Variants in TPBGL observed in about 807,000 individuals in gnomAD.
The protein encoded by TPBGL is trophoblast glycoprotein like, also known as trophoblast glycoprotein-like.
For missense variants in TPBGL, 685 were observed against 609.4 expected (o/e 1.12, Z -1.31); for synonymous variants, 380 against 314.8 (o/e 1.21, Z -2.19).
chr11:75,243,019 A>AC lies in TPBGL; in HGVS notation c.*831dup, dbSNP rs34103907. 0.036 allele frequency: 4,798 copies of AC among 134,276 alleles called. 97 individuals carry two copies. The highest frequency in any genetic ancestry group is 0.067 in the East Asian group (287 of 4,306). The allele number at this position is 134,276 out of a possible 1,614,324, so 8.3% of individuals were successfully genotyped here. A position where few individuals can be genotyped will look rare whatever the true frequency, so the allele number is the denominator to read the frequency against. Reference sequence around the variant, plus strand: ...CTCCTGCCCAAGCCTTTGGCTCTTGACCCCCCCCCCATACCCAATGCTGGC... The same window carrying AC: ...CTCCTGCCCAAGCCTTTGGCTCTTGACCCCCCCCCCCATACCCAATGCTGGC... On this transcript the variant is annotated 3_prime_UTR_variant, in exon 1 of 1. Coordinates refer to ENST00000562197, the MANE Select transcript of TPBGL (RefSeq NM_001195528.2).
At position 75,242,025 on chromosome 11, in the gene TPBGL, C is replaced by T; in HGVS notation, c.976C>T (p.Leu326Phe). 1 of 1,471,842 alleles carries T rather than the reference C, an allele frequency of 6.8e-7. No homozygotes were observed. The highest frequency in any genetic ancestry group is 9.0e-7 in the Non-Finnish European group (1 of 1,112,550). 91.2% of individuals were successfully genotyped at this position (1,471,842 alleles called of 1,614,324 possible). The stretch of plus-strand genomic sequence containing the variant: ...CATCGGCCTCATCTTCCTCATGGTG[C>T]TCTACCTAAACCGCCGCGGCATCCA... ...ALIGLIFLMV[L>F]YLNRRGIQRW... The change falls in exon 1 of 1, where the codon CTC (leucine) becomes TTC (phenylalanine). Residue 326 changes from leucine to phenylalanine, a missense_variant. Leu to Phe is a conservative substitution (Grantham distance 22, BLOSUM62 0). Coordinates refer to ENST00000562197, the MANE Select transcript of TPBGL (RefSeq NM_001195528.2).
In TPBGL at chr11:75,241,483, G is replaced by C; in HGVS notation, c.434G>C (p.Arg145Pro). The C allele has an allele frequency of 8.1e-7, 1 of 1,237,678 alleles. No individual in the cohort carries two copies. The highest frequency in any genetic ancestry group is 3.2e-4 in the Middle Eastern group (1 of 3,098). 76.7% of individuals were successfully genotyped at this position (1,237,678 alleles called of 1,614,324 possible). Residue 145 changes from arginine (R) to proline (P), a missense_variant, in exon 1 of 1, where the codon CGC (arginine) becomes CCC (proline). Arg to Pro is a moderately radical substitution (Grantham distance 103). Transcript: ENST00000562197. ...GCCTTCCGCGGGCTGCCCGCGCTGCGCTCGCTGCAGCTCAACCACGCGCTG... is the reference window on the plus strand; with the variant it reads ...GCCTTCCGCGGGCTGCCCGCGCTGCCCTCGCTGCAGCTCAACCACGCGCTG... ...GGAFRGLPAL[R>P]SLQLNHALVR...
rs1004243224 is a variant in TPBGL, at chr11:75,241,881, C to T, written c.832C>T (p.Leu278=). 31 of 1,454,010 alleles carry T rather than the reference C, an allele frequency of 2.1e-5. No individual in the cohort carries two copies. The highest frequency in any genetic ancestry group is 4.4e-5 in the African/African-American group (3 of 67,714). 90.1% of individuals were successfully genotyped at this position (1,454,010 alleles called of 1,614,324 possible). A position where few individuals can be genotyped will look rare whatever the true frequency, so the allele number is the denominator to read the frequency against. ...RALLDRPLLD[L]DGARLRCADS... ...GCTGCTAGACCGGCCGCTACTGGAC[C>T]TGGACGGGGCGCGGCTTCGCTGCGC... Residue 278 remains leucine (L), a synonymous_variant, in exon 1 of 1, where the codon CTG becomes TTG. Coordinates refer to ENST00000562197, the MANE Select transcript of TPBGL (RefSeq NM_001195528.2).
In TPBGL at chr11:75,242,146, C is replaced by T. The variant is rs1945606603; in HGVS notation, c.1097C>T (p.Ala366Val). 6 of 1,201,764 alleles carry T rather than the reference C, an allele frequency of 5.0e-6. No individual in the cohort carries two copies. Among genetic ancestry groups the T allele is most frequent in the African/African-American group, 1.6e-5 (1 of 62,290 alleles). The allele number at this position is 1,201,764 out of a possible 1,614,324, so 74.4% of individuals were successfully genotyped here. Reference protein sequence around the residue: ...EQDADPRRAPAPAAPAGSRAT... With the variant: ...EQDADPRRAPVPAAPAGSRAT... ...GACGCCGACCCGCGCCGCGCGCCCG[C>T]GCCCGCCGCGCCCGCGGGCTCCCGC... Residue 366 changes from alanine to valine, a missense_variant, in exon 1 of 1, where the codon GCG becomes GTG. By Grantham distance (64) the Ala-to-Val change is moderately conservative. Coordinates refer to ENST00000562197, the MANE Select transcript of TPBGL (RefSeq NM_001195528.2).
chr11:75,242,386 C>A lies in TPBGL; in HGVS notation c.*188C>A. 1 of 705,022 alleles carries A rather than the reference C, an allele frequency of 1.4e-6. No individual in the cohort carries two copies. The allele number at this position is 705,022 out of a possible 1,614,324, so 43.7% of individuals were successfully genotyped here. ...GCCGGTCCGAATCCAGAAACCCCGC[C>A]TGCCCACCCTAGTTTCCGAAACCTC... On this transcript the variant is annotated 3_prime_UTR_variant, in exon 1 of 1. Transcript: ENST00000562197.
Position 75,241,387 on chromosome 11 carries a change from C to A in TPBGL, c.338C>A (p.Ala113Asp). 1 of 1,372,214 alleles carries A rather than the reference C, an allele frequency of 7.3e-7. No individual in the cohort carries two copies. Among genetic ancestry groups the A allele is most frequent in the Non-Finnish European group, 9.4e-7 (1 of 1,063,366 alleles). 85.0% of individuals were successfully genotyped at this position (1,372,214 alleles called of 1,614,324 possible). A position where few individuals can be genotyped will look rare whatever the true frequency, so the allele number is the denominator to read the frequency against. Reference sequence around the variant, plus strand: ...CACATCGAGGTGGTGGAGGACGGCGCCTTCGACGGGCTGCCCAGCCTGGCG... The same window carrying A: ...CACATCGAGGTGGTGGAGGACGGCGACTTCGACGGGCTGCCCAGCCTGGCG... Reference protein sequence around the residue: ...HNHIEVVEDGAFDGLPSLAAL... With the variant: ...HNHIEVVEDGDFDGLPSLAAL... The change falls in exon 1 of 1, where the codon GCC (alanine) becomes GAC (aspartate). Residue 113 changes from alanine to aspartate, a missense_variant. Coordinates refer to ENST00000562197, the MANE Select transcript of TPBGL (RefSeq NM_001195528.2).
In TPBGL at chr11:75,242,082, CG is replaced by C; in HGVS notation, c.1036del (p.Asp346ThrfsTer64). 1 of 1,436,498 alleles carries C rather than the reference CG, an allele frequency of 7.0e-7. No individual in the cohort carries two copies. Among genetic ancestry groups the C allele is most frequent in the Non-Finnish European group, 9.2e-7 (1 of 1,091,222 alleles). 89.0% of individuals were successfully genotyped at this position (1,436,498 alleles called of 1,614,324 possible). A position where few individuals can be genotyped will look rare whatever the true frequency, so the allele number is the denominator to read the frequency against. ...GATGCGCAACCTGCGCGAGGCGTGC[CG>C]GGACCAGATGGAGGGCTACCACTAC... ...RWMRNLREAC[R>X]DQMEGYHYRY... On this transcript the variant is annotated frameshift_variant, in exon 1 of 1. Transcript: ENST00000562197. LOFTEE classifies it low-confidence loss of function (END_TRUNC).
chr11:75,241,894 G>T lies in TPBGL; in HGVS notation c.845G>T (p.Arg282Leu), dbSNP rs759701292. 46 of 1,469,694 alleles carry T rather than the reference G, an allele frequency of 3.1e-5. No homozygotes were observed. The highest frequency in any genetic ancestry group is 6.7e-5 in the Admixed American group (3 of 44,576). 91.0% of individuals were successfully genotyped at this position (1,469,694 alleles called of 1,614,324 possible). Residue 282 changes from arginine to leucine, a missense_variant, in exon 1 of 1, where the codon CGG becomes CTG. By Grantham distance (102) the Arg-to-Leu change is moderately radical. Coordinates refer to ENST00000562197, the MANE Select transcript of TPBGL (RefSeq NM_001195528.2). ...DRPLLDLDGA[R>L]LRCADSGADA... is the part of the protein sequence containing the mutation. ...CCGCTACTGGACCTGGACGGGGCGCGGCTTCGCTGCGCGGACAGCGGCGCC... is the reference window on the plus strand; with the variant it reads ...CCGCTACTGGACCTGGACGGGGCGCTGCTTCGCTGCGCGGACAGCGGCGCC...
chr11:75,242,014 T>G lies in TPBGL; in HGVS notation c.965T>G (p.Phe322Cys). The G allele has an allele frequency of 1.4e-6, 2 of 1,481,302 alleles. No homozygotes were observed. Among genetic ancestry groups the G allele is most frequent in the African/African-American group, 1.4e-5 (1 of 69,216 alleles). The allele number at this position is 1,481,302 out of a possible 1,614,324, so 91.8% of individuals were successfully genotyped here. Residue 322 changes from phenylalanine to cysteine, a missense_variant, in exon 1 of 1, where the codon TTC (phenylalanine) becomes TGC (cysteine). Phe to Cys is a radical substitution (Grantham distance 205, BLOSUM62 -2). Coordinates refer to ENST00000562197, the MANE Select transcript of TPBGL (RefSeq NM_001195528.2). ...GLVLALIGLIFLMVLYLNRRG... is the reference protein window; with the variant it reads ...GLVLALIGLICLMVLYLNRRG... ...GTGCTGGCACTCATCGGCCTCATCT[T>G]CCTCATGGTGCTCTACCTAAACCGC...
chr11:75,242,132 G>T lies in TPBGL; in HGVS notation c.1083G>T (p.Pro361=). The stretch of plus-strand genomic sequence containing the variant: ...ACCGCTACGAGCAGGACGCCGACCC[G>T]CGCCGCGCGCCCGCGCCCGCCGCGC... ...YHYRYEQDAD[P]RRAPAPAAPA... The change falls in exon 1 of 1, where the codon CCG becomes CCT. Residue 361 remains proline, a synonymous_variant. Transcript: ENST00000562197. 1.6e-6 allele frequency: 2 copies of T among 1,231,344 alleles called. No individual in the cohort carries two copies. The highest frequency in any genetic ancestry group is 2.0e-6 in the Non-Finnish European group (2 of 987,890). 76.3% of individuals were successfully genotyped at this position (1,231,344 alleles called of 1,614,324 possible).
chr11:75,242,166 T>C lies in TPBGL; in HGVS notation c.1117T>C (p.Ser373Pro), dbSNP rs2140371117. 8.4e-7 allele frequency: 1 copy of C among 1,184,150 alleles called. No individual in the cohort carries two copies. Among genetic ancestry groups the C allele is most frequent in the East Asian group, 3.8e-5 (1 of 26,160 alleles). 73.4% of individuals were successfully genotyped at this position (1,184,150 alleles called of 1,614,324 possible). The change falls in exon 1 of 1, where the codon TCC becomes CCC. Residue 373 changes from serine (S) to proline (P), a missense_variant. Coordinates refer to ENST00000562197, the MANE Select transcript of TPBGL (RefSeq NM_001195528.2). ...GCCCGCGCCCGCCGCGCCCGCGGGC[T>C]CCCGCGCCACCTCCCCGGGCTCGGG... ...RAPAPAAPAG[S>P]RATSPGSGL
rs1157952418 is a variant in TPBGL at position 75,240,871 on chromosome 11, T to C, written c.-179T>C. 5.5e-6 allele frequency: 2 copies of C among 362,368 alleles called. No homozygotes were observed. The highest frequency in any genetic ancestry group is 9.2e-6 in the Non-Finnish European group (2 of 216,260). The allele number at this position is 362,368 out of a possible 1,614,324, so 22.4% of individuals were successfully genotyped here. On this transcript the variant is annotated 5_prime_UTR_variant, in exon 1 of 1. Transcript: ENST00000562197. Reference sequence around the variant, plus strand: ...GGCTCCGCTCCCCGTCTGACCCCTCTTGCCCCCGGCCAGTCAGCCAGTAAG... The same window carrying C: ...GGCTCCGCTCCCCGTCTGACCCCTCCTGCCCCCGGCCAGTCAGCCAGTAAG...
At position 75,240,822 on chromosome 11, in the gene TPBGL, A is replaced by T; in HGVS notation, c.-228A>T. On this transcript the variant is annotated 5_prime_UTR_variant, in exon 1 of 1. Coordinates refer to ENST00000562197, the MANE Select transcript of TPBGL (RefSeq NM_001195528.2). Reference sequence around the variant, plus strand: ...CCGCGGAAGCCGGAGGCCGGCGCGCAGGGCGAGGGCACCGGGGGCGGGGGG... The same window carrying T: ...CCGCGGAAGCCGGAGGCCGGCGCGCTGGGCGAGGGCACCGGGGGCGGGGGG... 3.4e-6 allele frequency: 1 copy of T among 291,254 alleles called. No individual in the cohort carries two copies. Among genetic ancestry groups the T allele is most frequent in the Non-Finnish European group, 6.3e-6 (1 of 159,614 alleles). 18.0% of individuals were successfully genotyped at this position (291,254 alleles called of 1,614,324 possible). A position where few individuals can be genotyped will look rare whatever the true frequency, so the allele number is the denominator to read the frequency against.
Position 75,241,121 on chromosome 11 carries a change from G to T in TPBGL, c.72G>T (p.Ala24=). The change falls in exon 1 of 1, where the codon GCG becomes GCT. Residue 24 remains alanine (A), a synonymous_variant. Coordinates refer to ENST00000562197, the MANE Select transcript of TPBGL (RefSeq NM_001195528.2). ...LLVAAALSQP[A]APCPFQCYCF... is the part of the protein sequence containing the mutation. ...TGGCGGCGGCGCTGAGCCAGCCCGC[G>T]GCACCCTGCCCCTTCCAGTGCTACT... The T allele has an allele frequency of 1.4e-6, 2 of 1,409,192 alleles. No homozygotes were observed. Among genetic ancestry groups the T allele is most frequent in the Non-Finnish European group, 9.3e-7 (1 of 1,078,956 alleles). The allele number at this position is 1,409,192 out of a possible 1,614,324, so 87.3% of individuals were successfully genotyped here.
chr11:75,242,108 C>A lies in TPBGL; in HGVS notation c.1059C>A (p.Tyr353Ter). 7.4e-7 allele frequency: 1 copy of A among 1,358,156 alleles called. No individual in the cohort carries two copies. Among genetic ancestry groups the A allele is most frequent in the Non-Finnish European group, 9.5e-7 (1 of 1,048,022 alleles). 84.1% of individuals were successfully genotyped at this position (1,358,156 alleles called of 1,614,324 possible). The stretch of plus-strand genomic sequence containing the variant: ...GGGACCAGATGGAGGGCTACCACTA[C>A]CGCTACGAGCAGGACGCCGACCCGC... ...ACRDQMEGYH[Y>*]RYEQDADPRR... The change falls in exon 1 of 1, where the codon TAC becomes TAA. Residue 353 changes from tyrosine (Y) to a stop codon, truncating the protein, a stop_gained. Transcript: ENST00000562197. LOFTEE classifies it low-confidence loss of function (END_TRUNC).
chr11:75,241,951 G>A lies in TPBGL; in HGVS notation c.902G>A (p.Gly301Asp). The change falls in exon 1 of 1, where the codon GGC becomes GAC. Residue 301 changes from glycine to aspartate, a missense_variant. Transcript: ENST00000562197. ...CGCGGAGAGGAGGCGGAGGCCGCCG[G>A]CCCGGAGCTGGAAGCCTCCTACGTG... ...DARGEEAEAA[G>D]PELEASYVFF... 3 of 1,491,058 alleles carry A rather than the reference G, an allele frequency of 2.0e-6. No individual in the cohort carries two copies. The highest frequency in any genetic ancestry group is 2.8e-5 in the East Asian group (1 of 36,330). 92.4% of individuals were successfully genotyped at this position (1,491,058 alleles called of 1,614,324 possible). A position where few individuals can be genotyped will look rare whatever the true frequency, so the allele number is the denominator to read the frequency against.
In TPBGL at chr11:75,241,160, C is replaced by G. The variant is rs1945594618; in HGVS notation, c.111C>G (p.Pro37=). 6.9e-7 allele frequency: 1 copy of G among 1,451,912 alleles called. No homozygotes were observed. The highest frequency in any genetic ancestry group is 1.5e-5 in the African/African-American group (1 of 67,716). 89.9% of individuals were successfully genotyped at this position (1,451,912 alleles called of 1,614,324 possible). ...CPFQCYCFGG[P]KLLLRCASGA... is the part of the protein sequence containing the mutation. Reference sequence around the variant, plus strand: ...TCCAGTGCTACTGCTTCGGCGGCCCCAAGCTGCTGCTGCGCTGCGCGTCGG... The same window carrying G: ...TCCAGTGCTACTGCTTCGGCGGCCCGAAGCTGCTGCTGCGCTGCGCGTCGG... Residue 37 remains proline, a synonymous_variant, in exon 1 of 1, where the codon CCC becomes CCG. Coordinates refer to ENST00000562197, the MANE Select transcript of TPBGL (RefSeq NM_001195528.2).
At position 75,241,238 on chromosome 11, in the gene TPBGL, C is replaced by T; in HGVS notation, c.189C>T (p.Leu63=). 1.4e-6 allele frequency: 2 copies of T among 1,433,844 alleles called. No homozygotes were observed. The highest frequency in any genetic ancestry group is 6.3e-5 in the East Asian group (2 of 31,892). 88.8% of individuals were successfully genotyped at this position (1,433,844 alleles called of 1,614,324 possible). A position where few individuals can be genotyped will look rare whatever the true frequency, so the allele number is the denominator to read the frequency against. The part of the protein sequence containing the change: ...PRDVPPDARN[L]TIVGANLTVL... Reference sequence around the variant, plus strand: ...ACGTGCCGCCCGACGCGCGCAACCTCACCATCGTAGGCGCCAACCTGACGG... The same window carrying T: ...ACGTGCCGCCCGACGCGCGCAACCTTACCATCGTAGGCGCCAACCTGACGG... The change falls in exon 1 of 1, where the codon CTC becomes CTT. Residue 63 remains leucine (L), a synonymous_variant. Transcript: ENST00000562197.
rs770548604 is a variant in TPBGL at position 75,241,339 on chromosome 11, G to A, written c.290G>A (p.Ser97Asn). 3 of 1,357,888 alleles carry A rather than the reference G, an allele frequency of 2.2e-6. No individual in the cohort carries two copies. The South Asian group carries it at 5.1e-5, about 23-fold the overall frequency. The allele number at this position is 1,357,888 out of a possible 1,614,324, so 84.1% of individuals were successfully genotyped here. A position where few individuals can be genotyped will look rare whatever the true frequency, so the allele number is the denominator to read the frequency against. ...GCGGGCGTGCGCCTGCCGCTCCTGAGCGCGCTGCGCCTCACGCACAACCAC... is the reference window on the plus strand; with the variant it reads ...GCGGGCGTGCGCCTGCCGCTCCTGAACGCGCTGCGCCTCACGCACAACCAC... The part of the protein sequence containing the change: ...QAAGVRLPLL[S>N]ALRLTHNHIE... The change falls in exon 1 of 1, where the codon AGC (serine) becomes AAC (asparagine). Residue 97 changes from serine (S) to asparagine (N), a missense_variant. Coordinates refer to ENST00000562197, the MANE Select transcript of TPBGL (RefSeq NM_001195528.2).
Sources: allele counts gnomAD v4.1 joint callset, GRCh38; gene constraint gnomAD v4.1.1; transcripts MANE v1.5; gene names NCBI Gene and HGNC (gene_info 2026-07-23, HGNC 2026-07-21).